Variants in FYN observed in about 807,000 individuals in gnomAD.
FYN encodes tyrosine-protein kinase Fyn.
FYN carries 10 observed loss-of-function variants against 70.2 expected under a neutral mutation model. The ratio of observed to expected loss-of-function variants is 0.14; its 90% CI spans 0.09 to 0.24. The LOEUF is 0.24. FYN is among the 10% of genes least tolerant of loss of function. FYN has a pLI of 1.00. For synonymous variants in FYN, 236 were observed against 248.6 expected, an observed-to-expected ratio of 0.95 and a Z score of 0.48; for missense variants, 319 against 673.1, an observed-to-expected ratio of 0.47 and a Z score of 5.82.
At position 111,846,595 on chromosome 6, in the gene FYN, C is replaced by T. The variant is rs573526927; in HGVS notation, c.-88G>A. ...GCAAAACTTGCCAACTTACTTTTTCCACGTTTAGATCAGCATCCTGCTTCT... is the reference window on the plus strand; with the variant it reads ...GCAAAACTTGCCAACTTACTTTTTCTACGTTTAGATCAGCATCCTGCTTCT... On this transcript the variant is annotated 5_prime_UTR_variant, in exon 2 of 14. Transcript: ENST00000354650. 1 of 398,888 alleles carries T rather than the reference C, an allele frequency of 2.5e-6. No homozygotes were observed. The highest frequency in any genetic ancestry group is 4.4e-5 in the Admixed American group (1 of 22,732). 24.7% of individuals were successfully genotyped at this position (398,888 alleles called of 1,614,324 possible).
At chr6:111,854,830 GATATC>G (rs1773781991) in intron 1 of FYN, among the ~76,000 whole-genome samples, 1 of 152,204 alleles carries the variant, frequency 6.6e-6, no homozygotes, top group Non-Finnish European at 1.5e-5. Context: ...GAGCCTTAGT[GATATC>G]ACTGACTACA....
intron 2 of FYN, among the ~76,000 whole-genome samples, chr6:111,788,988 A>G (rs549839383): frequency 6.6e-6 from 1 of 152,288 alleles, no homozygotes; most frequent in South Asian, 2.1e-4. Flanking sequence ...AGACTCAAGC[A>G]AGGTTGTGGT....
chr6:111,672,630 T>C (rs1798336511), intron 13 of FYN, among the ~76,000 whole-genome samples: 3 of 152,242 alleles, frequency 2.0e-5, no homozygotes, highest in Non-Finnish European at 4.4e-5. Context: ...ACATTTTATC[T>C]ATCTGACTGT....
intron 2 of FYN, among the ~76,000 whole-genome samples, chr6:111,831,593 T>C (rs943492051): frequency 2.6e-5 from 4 of 152,208 alleles, no homozygotes; most frequent in Non-Finnish European, 5.9e-5. Context: ...AAGGATGTTA[T>C]CAAGTAGACT....
intron 3 of FYN, among the ~76,000 whole-genome samples, chr6:111,768,833 A>T (rs1453315419): frequency 6.6e-6 from 1 of 152,260 alleles, no homozygotes; most frequent in African/African-American, 2.4e-5. Context: ...GCTGGAGTCA[A>T]CTATAATTTC....
At chr6:111,786,220 C>G (rs1427728976) in intron 2 of FYN, among the ~76,000 whole-genome samples, 5 of 152,024 alleles carry the variant, frequency 3.3e-5, no homozygotes, top group Admixed American at 3.3e-4. Flanking sequence ...TCCCCACAAC[C>G]CATGACAGGC....
chr6:111,843,903 A>G (rs1034942543), intron 2 of FYN, among the ~76,000 whole-genome samples: 1 of 152,196 alleles, frequency 6.6e-6, no homozygotes, highest in African/African-American at 2.4e-5. Context: ...GGGAGTGTCA[A>G]GGAAGAGCTC....
In FYN at chr6:111,700,934, A is replaced by T. The variant is rs567879355; in HGVS notation, c.698-666T>A. Among the ~76,000 whole-genome samples, 7 of 151,948 alleles carry T rather than the reference A, an allele frequency of 4.6e-5. No homozygotes were observed. The East Asian group carries it at 1.3e-3, about 29-fold the overall frequency. On this transcript the variant is annotated intron_variant, in intron 8 of 13. Coordinates refer to ENST00000354650, the MANE Select transcript of FYN (RefSeq NM_002037.5). ...ATTTCTTCGCTTTCTAACTGATTCCATTCCACCATGTCAGATACTCCTGGG... is the reference window on the plus strand; with the variant it reads ...ATTTCTTCGCTTTCTAACTGATTCCTTTCCACCATGTCAGATACTCCTGGG...
At chr6:111,867,457 G>GAA (rs1562551285) in intron 1 of FYN, among the ~76,000 whole-genome samples, 1 of 83,022 alleles carries the variant, frequency 1.2e-5, no homozygotes, top group African/African-American at 1.5e-4. Flanking sequence ...CTCCGTCTCG[G>GAA]GAAAAAAAAA....
intron 13 of FYN, among the ~76,000 whole-genome samples, chr6:111,665,358 T>A (rs1175203987): frequency 4.6e-5 from 7 of 152,184 alleles, no homozygotes; most frequent in Admixed American, 3.3e-4. Context: ...TAATTTTTTT[T>A]AAATGGCTTT....
chr6:111,827,818 AG>A (rs1772887025), intron 2 of FYN, among the ~76,000 whole-genome samples: 1 of 152,128 alleles, frequency 6.6e-6, no homozygotes, highest in Non-Finnish European at 1.5e-5. Context: ...ATTTTGACTA[AG>A]GGTACTCTTT....
intron 12 of FYN, among the ~76,000 whole-genome samples, chr6:111,690,458 A>C (rs1396400317): frequency 1.3e-5 from 2 of 152,192 alleles, no homozygotes; most frequent in East Asian, 3.8e-4. Context: ...GATCTTCCCA[A>C]GTACTCATTT....
intron 3 of FYN, among the ~76,000 whole-genome samples, chr6:111,751,189 C>T (rs1267155468): frequency 6.6e-6 from 1 of 152,202 alleles, no homozygotes; most frequent in African/African-American, 2.4e-5. Flanking sequence ...TTCTGGGAAA[C>T]ATAACACGCA....
At chr6:111,837,057 T>TA (rs1025304373) in intron 2 of FYN, among the ~76,000 whole-genome samples, 1 of 151,886 alleles carries the variant, frequency 6.6e-6, no homozygotes, top group African/African-American at 2.4e-5. Flanking sequence ...GGGCCATATA[T>TA]AAAAAAAACA....
chr6:111,798,920 A>G (rs774559479), intron 2 of FYN, among the ~76,000 whole-genome samples: 6 of 152,214 alleles, frequency 3.9e-5, no homozygotes, highest in Non-Finnish European at 8.8e-5. Context: ...TCAGTGATTA[A>G]AGGGATATTC....
At chr6:111,785,688 A>G (rs1354345043) in intron 2 of FYN, among the ~76,000 whole-genome samples, 1 of 151,616 alleles carries the variant, frequency 6.6e-6, no homozygotes, top group East Asian at 1.9e-4. Flanking sequence ...TTATTACTAT[A>G]CTTTAAGTTC....
Position 111,694,354 on chromosome 6 carries a change from C to T in FYN, c.1273+21G>A, listed in dbSNP as rs1440429000. 3 of 1,613,692 alleles carry T rather than the reference C, an allele frequency of 1.9e-6. No individual in the cohort carries two copies. In the South Asian group the frequency reaches 3.3e-5, roughly 18 times the overall value. On this transcript the variant is annotated intron_variant, in intron 12 of 13. Coordinates refer to ENST00000354650, the MANE Select transcript of FYN (RefSeq NM_002037.5). The surrounding 1 kb of genome is among the most constrained non-coding windows in gnomAD (Gnocchi z 5.0). ...TGTTCTCACAGCTGTGATCACGAGC[C>T]ATTGTCATTCAAGTGCCCACCTTGT...
chr6:111,761,895 T>C (rs1803023521), intron 3 of FYN, among the ~76,000 whole-genome samples: 1 of 152,152 alleles, frequency 6.6e-6, no homozygotes, highest in South Asian at 2.1e-4. Context: ...CATCCAATCA[T>C]CATTCCCAAT....
chr6:111,666,450 C>G (rs1360685667), intron 13 of FYN, among the ~76,000 whole-genome samples: 1 of 152,166 alleles, frequency 6.6e-6, no homozygotes, highest in Non-Finnish European at 1.5e-5. Flanking sequence ...CTCTGCTGTT[C>G]TGCCCTTCTA....
Sources: gnomAD v4.1 joint callset for allele counts (sites outside exome capture counted in the v4.1 genomes callset) on GRCh38, gnomAD v4.1.1 for gene constraint, Gnocchi (gnomAD v3.1) non-coding constraint, MANE v1.5 for transcripts, NCBI Gene and HGNC (gene_info 2026-07-23, HGNC 2026-07-21) for gene names.